ADCY9: variants seen among roughly 807,000 people sequenced by gnomAD.
ADCY9 encodes adenylate cyclase 9.
A neutral mutation model predicts 101.5 loss-of-function variants in ADCY9; 50 were observed. The observed-to-expected ratio is 0.49, with a 90% CI of 0.39 to 0.62. The LOEUF (loss-of-function observed/expected upper bound fraction) is 0.62. ADCY9 is among the 20% of genes least tolerant of loss of function. ADCY9 has a pLI of 0.00. For missense variants in ADCY9, 1,662 were observed against 1,800.4 expected (o/e 0.92, Z 1.39); for synonymous variants, 905 against 769.3 (o/e 1.18, Z -2.92).
At chr16:3,973,752 C>T (rs1021145568) in intron 10 of ADCY9, among the ~76,000 whole-genome samples, 1 of 152,144 alleles carries the variant, frequency 6.6e-6, no homozygotes, top group Admixed American at 6.5e-5. Flanking sequence ...CTTGGCCTCC[C>T]AAAGTGCTGG....
chr16:4,088,352 C>T (rs2056952845), intron 2 of ADCY9, among the ~76,000 whole-genome samples: 1 of 152,014 alleles, frequency 6.6e-6, no homozygotes, highest in African/African-American at 2.4e-5. Flanking sequence ...AGTGCAGCAG[C>T]ATGATCTCAG....
chr16:3,982,554 CTTTCCCAAGACGCACCTGTGGT>C (rs1425075934), intron 7 of ADCY9: 1 of 152,288 alleles, frequency 6.6e-6, no homozygotes, highest in Non-Finnish European at 1.5e-5. Context: ...GAGGGCCCAG[CTTTCCCAAGACGCACCTGTGGT>C]CTATTCGGAG....
Position 4,093,978 on chromosome 16 carries a change from G to T in ADCY9, c.1693+19772C>A, listed in dbSNP as rs1401853830. ...TAAATACAGTAACATCATGACTGGA[G>T]CTATGAAAGCAAACATTTCCATTTG... On this transcript the variant is annotated intron_variant, in intron 2 of 10. Coordinates refer to ENST00000294016, the MANE Select transcript of ADCY9 (RefSeq NM_001116.4). 2.0e-5 allele frequency among the ~76,000 whole-genome samples: 3 copies of T among 152,238 alleles called. No homozygotes were observed. In the East Asian group the frequency reaches 5.8e-4, roughly 29 times the overall value.
In ADCY9 at chr16:4,115,928, A is replaced by G. The variant is rs2057148855; in HGVS notation, c.-282T>C. On this transcript the variant is annotated 5_prime_UTR_variant, in exon 1 of 11. Coordinates refer to ENST00000294016, the MANE Select transcript of ADCY9 (RefSeq NM_001116.4). This position sits in a 1 kb window ranked among gnomAD's most constrained non-coding sequence, Gnocchi z 6.2. ...GGCGGCGCGGAGCCCTCCATCCTGCAGGAGCCGCGCTCCGATGCGTCAAAG... is the reference window on the plus strand; with the variant it reads ...GGCGGCGCGGAGCCCTCCATCCTGCGGGAGCCGCGCTCCGATGCGTCAAAG... 5 of 385,122 alleles carry G rather than the reference A, an allele frequency of 1.3e-5. No individual in the cohort carries two copies. The highest frequency in any genetic ancestry group is 3.7e-5 in the East Asian group (1 of 27,294). 23.9% of individuals were successfully genotyped at this position (385,122 alleles called of 1,614,324 possible). A position where few individuals can be genotyped will look rare whatever the true frequency, so the allele number is the denominator to read the frequency against.
intron 10 of ADCY9, among the ~76,000 whole-genome samples, chr16:3,968,030 G>A (rs8047620): frequency 0.017 from 2,529 of 151,908 alleles, 75 homozygotes; most frequent in African/African-American, 0.058. Flanking sequence ...TTGCTGACAT[G>A]GCACTTCAGC....
At chr16:4,059,717 T>A (rs1287868656) in intron 2 of ADCY9, among the ~76,000 whole-genome samples, 1 of 151,964 alleles carries the variant, frequency 6.6e-6, no homozygotes, top group Non-Finnish European at 1.5e-5. Context: ...GGGCAACATA[T>A]CAAGACCCCG....
intron 2 of ADCY9, among the ~76,000 whole-genome samples, chr16:4,012,543 C>T (rs1438041165): frequency 6.7e-6 from 1 of 150,046 alleles, no homozygotes; most frequent in East Asian, 2.0e-4. Context: ...AATATGATTT[C>T]TTATATTCTT....
chr16:4,107,249 T>C (rs1016312195), intron 2 of ADCY9, among the ~76,000 whole-genome samples: 3 of 152,084 alleles, frequency 2.0e-5, no homozygotes, highest in Admixed American at 2.0e-4. Flanking sequence ...TAACAGATCC[T>C]GCTCAAGAAT....
chr16:4,012,131 T>C (rs2056408387), intron 2 of ADCY9, among the ~76,000 whole-genome samples: 1 of 152,234 alleles, frequency 6.6e-6, no homozygotes, highest in Non-Finnish European at 1.5e-5. Context: ...CCCATAGTGA[T>C]AACATGATCC....
Position 3,992,330 on chromosome 16 carries a change from C to T in ADCY9, c.2023G>A (p.Gly675Arg), listed in dbSNP as rs763995166. ...TCCTCTTGGGGAGGGCTGAGGAGCCCGTTCTGAGTTTTGGGATTAGGTCCT... is the reference window on the plus strand; with the variant it reads ...TCCTCTTGGGGAGGGCTGAGGAGCCTGTTCTGAGTTTTGGGATTAGGTCCT... ...SGGPNPKTQN[G>R]LLSPPQEEKL... The change falls in exon 5 of 11, where the codon GGG becomes AGG. Residue 675 changes from glycine to arginine, a missense_variant. Coordinates refer to ENST00000294016, the MANE Select transcript of ADCY9 (RefSeq NM_001116.4). The surrounding 1 kb of genome is among the most constrained non-coding windows in gnomAD (Gnocchi z 4.2). 7.4e-6 allele frequency: 12 copies of T among 1,613,922 alleles called. No individual in the cohort carries two copies. The African/African-American group carries it at 8.0e-5, about 11-fold the overall frequency.
Position 4,108,360 on chromosome 16 carries a change from A to ATTTTTTTTTTTTTTT in ADCY9, c.1693+5375_1693+5389dup, listed in dbSNP as rs869169536. 1.7e-4 allele frequency among the ~76,000 whole-genome samples: 9 copies of ATTTTTTTTTTTTTTT among 53,712 alleles called. 1 individual carries two copies. Among genetic ancestry groups the ATTTTTTTTTTTTTTT allele is most frequent in the African/African-American group, 2.1e-4 (3 of 14,232 alleles). 35.2% of individuals were successfully genotyped at this position (53,712 alleles called of 152,430 possible). On this transcript the variant is annotated intron_variant, in intron 2 of 10. Transcript: ENST00000294016. Reference sequence around the variant, plus strand: ...CTCACCTTAATCAGACCGTTTCTTCATTTTTTTTTTTTTTTTTTTTTTTTT... The same window carrying ATTTTTTTTTTTTTTT: ...CTCACCTTAATCAGACCGTTTCTTCATTTTTTTTTTTTTTTTTTTTTTTTTTTTTTTTTTTTTTTT...
intron 10 of ADCY9, among the ~76,000 whole-genome samples, chr16:3,968,040 C>G (rs1003114456): frequency 1.3e-5 from 2 of 151,964 alleles, no homozygotes; most frequent in African/African-American, 4.8e-5. Context: ...GGCACTTCAG[C>G]TCTAAATATT....
At chr16:3,987,396 C>G (rs140516512) in intron 6 of ADCY9, among the ~76,000 whole-genome samples, 1 of 152,220 alleles carries the variant, frequency 6.6e-6, no homozygotes, top group Non-Finnish European at 1.5e-5. Flanking sequence ...GGGCGAGAAG[C>G]GGCCCGGACG....
intron 6 of ADCY9, among the ~76,000 whole-genome samples, chr16:3,987,997 C>A (rs540520537): frequency 6.8e-6 from 1 of 147,894 alleles, no homozygotes; most frequent in African/African-American, 2.6e-5. Flanking sequence ...TGAGGAGGGG[C>A]TGGAGGAGAG....
intron 6 of ADCY9, among the ~76,000 whole-genome samples, chr16:3,987,277 T>C (rs2056201149): frequency 6.6e-6 from 1 of 152,156 alleles, no homozygotes; most frequent in Non-Finnish European, 1.5e-5. Flanking sequence ...TCTTTCCCCC[T>C]TCCCCAGCAC....
intron 2 of ADCY9, among the ~76,000 whole-genome samples, chr16:4,077,116 G>A (rs565762743): frequency 2.0e-5 from 3 of 151,062 alleles, no homozygotes; most frequent in East Asian, 1.9e-4. Flanking sequence ...TTCTGTACAC[G>A]CTTTCCACAG....
At chr16:3,968,395 G>A (rs987002777) in intron 10 of ADCY9, among the ~76,000 whole-genome samples, 1 of 152,110 alleles carries the variant, frequency 6.6e-6, no homozygotes, top group Non-Finnish European at 1.5e-5. Flanking sequence ...GCCTCCCAAA[G>A]TGCTGGGATT....
intron 2 of ADCY9, among the ~76,000 whole-genome samples, chr16:4,016,586 T>C (rs746658665): frequency 4.0e-5 from 6 of 151,670 alleles, no homozygotes; most frequent in African/African-American, 9.7e-5. Flanking sequence ...TGATGAAAAA[T>C]AGATTATAGA....
intron 2 of ADCY9, among the ~76,000 whole-genome samples, chr16:4,050,378 C>A (rs972410377): frequency 5.3e-5 from 8 of 152,130 alleles, no homozygotes; most frequent in Admixed American, 3.9e-4. Flanking sequence ...TGTGTATGTA[C>A]AAACATATGT....
Sources: allele counts gnomAD v4.1 joint callset (sites outside exome capture counted in the v4.1 genomes callset), GRCh38; gene constraint gnomAD v4.1.1; non-coding constraint Gnocchi (gnomAD v3.1); transcripts MANE v1.5; gene names NCBI Gene and HGNC (gene_info 2026-07-23, HGNC 2026-07-21).